PPP2R2A: variants seen among roughly 807,000 people sequenced by gnomAD.
PPP2R2A encodes the protein serine/threonine-protein phosphatase 2A 55 kDa regulatory subunit B alpha isoform.
A neutral mutation model predicts 53.2 loss-of-function variants in PPP2R2A; 9 were observed. The observed-to-expected ratio is 0.17, with a 90% CI of 0.10 to 0.30. The LOEUF (loss-of-function observed/expected upper bound fraction) is 0.30, where lower values mean the gene tolerates loss of function less well. Ranked by LOEUF, PPP2R2A falls within the 10% of genes least tolerant of loss-of-function variation. The pLI is 1.00. For synonymous variants in PPP2R2A, 169 were observed against 174.2 expected (o/e 0.97, Z 0.23); for missense variants, 235 against 534.6 (o/e 0.44, Z 5.53).
intron 3 of PPP2R2A, among the ~76,000 whole-genome samples, chr8:26,348,511 A>C (rs1308984168): frequency 6.6e-6 from 1 of 152,222 alleles, no homozygotes; most frequent in Non-Finnish European, 1.5e-5. Flanking sequence ...GGTATATACA[A>C]AACCACTGAA....
rs1049111868 is a variant in PPP2R2A at position 26,321,903 on chromosome 8, G to T, written c.83-16987G>T. Among the ~76,000 whole-genome samples, 1 of 152,184 alleles carries T rather than the reference G, an allele frequency of 6.6e-6. No individual in the cohort carries two copies. The highest frequency in any genetic ancestry group is 2.4e-5 in the African/African-American group (1 of 41,428). Reference sequence around the variant, plus strand: ...AACAATGTCAACATTTCCCCTCCTCGGTCTAAGATTTGAACTTGGTTCTAA... The same window carrying T: ...AACAATGTCAACATTTCCCCTCCTCTGTCTAAGATTTGAACTTGGTTCTAA... On this transcript the variant is annotated intron_variant, in intron 2 of 9. Transcript: ENST00000380737. The surrounding 1 kb of genome is among the most constrained non-coding windows in gnomAD (Gnocchi z 4.1).
At chr8:26,368,678 G>A (rs1197016227) in intron 9 of PPP2R2A, among the ~76,000 whole-genome samples, 1 of 152,156 alleles carries the variant, frequency 6.6e-6, no homozygotes, top group East Asian at 1.9e-4. Flanking sequence ...GCATATGCCT[G>A]TAGTCACAGC....
rs775256967 is a variant in PPP2R2A at position 26,362,453 on chromosome 8, C to T, written c.638-231C>T. 6.6e-5 allele frequency among the ~76,000 whole-genome samples: 10 copies of T among 151,422 alleles called. No individual in the cohort carries two copies. The highest frequency in any genetic ancestry group is 1.0e-4 in the Non-Finnish European group (7 of 67,838). Reference sequence around the variant, plus strand: ...CTGGGAGTCGGAGGCTGCAGTGAGCCGAGATTGCGCCACTGCACTCCAGCC... The same window carrying T: ...CTGGGAGTCGGAGGCTGCAGTGAGCTGAGATTGCGCCACTGCACTCCAGCC... On this transcript the variant is annotated intron_variant, in intron 6 of 9. Coordinates refer to ENST00000380737, the MANE Select transcript of PPP2R2A (RefSeq NM_002717.4). This position sits in a 1 kb window ranked among gnomAD's most constrained non-coding sequence, Gnocchi z 4.4.
chr8:26,358,807 G>T, intron 4 of PPP2R2A: 1 of 393,256 alleles, frequency 2.5e-6, no homozygotes, highest in Non-Finnish European at 5.3e-6. Flanking sequence ...CAATTGAATG[G>T]ATACATGGAG....
At chr8:26,329,783 A>T (rs752850113) in intron 2 of PPP2R2A, among the ~76,000 whole-genome samples, 1 of 152,224 alleles carries the variant, frequency 6.6e-6, no homozygotes, top group Admixed American at 6.5e-5. Context: ...TTTTAGTACT[A>T]AAGTTTACTG....
intron 1 of PPP2R2A, 26 bp downstream of exon 1, chr8:26,291,852 C>A: frequency 6.2e-7 from 1 of 1,608,206 alleles, no homozygotes; most frequent in Non-Finnish European, 8.5e-7. Context: ...CCCTCGCCCC[C>A]TGACAAGGCA....
Position 26,293,669 on chromosome 8 carries a change from C to T in PPP2R2A, c.11C>T (p.Ala4Val), listed in dbSNP as rs1286350411. Residue 4 changes from alanine (A) to valine (V), a missense_variant, in exon 2 of 10, where the codon GCT (alanine) becomes GTT (valine). Transcript: ENST00000380737. ...TTGGTATGTTTTCTTTTTCCAGGAG[C>T]TGGAGGAGGGAATGATATTCAGTGG... Reference protein sequence around the residue: MAGAGGGNDIQWCF... With the variant: MAGVGGGNDIQWCF... 3.1e-6 allele frequency: 5 copies of T among 1,609,592 alleles called. No individual in the cohort carries two copies. The highest frequency in any genetic ancestry group is 1.1e-5 in the South Asian group (1 of 90,072).
chr8:26,358,134 G>A (rs1428147665), intron 4 of PPP2R2A, among the ~76,000 whole-genome samples: 1 of 151,938 alleles, frequency 6.6e-6, no homozygotes, highest in East Asian at 1.9e-4. Context: ...TTGTGTTAAG[G>A]AAAAAACATT....
chr8:26,327,821 GT>G (rs1265546880), intron 2 of PPP2R2A, among the ~76,000 whole-genome samples: 16 of 152,284 alleles, frequency 1.1e-4, no homozygotes, highest in Admixed American at 5.9e-4. Flanking sequence ...CATTTACTGT[GT>G]AGAAATACAG....
rs1490459521 is a variant in PPP2R2A, at chr8:26,360,121, G to A, written c.347-48G>A. The A allele has an allele frequency of 3.0e-6, 3 of 1,003,750 alleles. No individual in the cohort carries two copies. The South Asian group carries it at 4.4e-5, about 15-fold the overall frequency. The allele number at this position is 1,003,750 out of a possible 1,614,324, so 62.2% of individuals were successfully genotyped here. On this transcript the variant is annotated intron_variant, in intron 4 of 9. Transcript: ENST00000380737. The surrounding 1 kb of genome is among the most constrained non-coding windows in gnomAD (Gnocchi z 4.5). ...TAGCATATTTTAAATGCCTTAAAAT[G>A]TTTTTCTTCTTCAGTATTTTAAGGA...
At chr8:26,355,550 A>C (rs1305000071) in intron 4 of PPP2R2A, among the ~76,000 whole-genome samples, 2 of 152,100 alleles carry the variant, frequency 1.3e-5, no homozygotes, top group Non-Finnish European at 2.9e-5. Flanking sequence ...GGCCCAGGAA[A>C]AGTTGAGTGA....
chr8:26,310,571 A>G (rs185533510), intron 2 of PPP2R2A, among the ~76,000 whole-genome samples: 1 of 152,072 alleles, frequency 6.6e-6, no homozygotes, highest in African/African-American at 2.4e-5. Flanking sequence ...TTGCTATTGT[A>G]AAGATCATGA....
chr8:26,350,209 A>G (rs748661338), intron 3 of PPP2R2A, among the ~76,000 whole-genome samples: 1 of 152,026 alleles, frequency 6.6e-6, no homozygotes, highest in African/African-American at 2.4e-5. Flanking sequence ...GATTACAGGC[A>G]TGCACCACCA....
At chr8:26,351,619 G>T (rs1040722755) in intron 3 of PPP2R2A, among the ~76,000 whole-genome samples, 8 of 152,126 alleles carry the variant, frequency 5.3e-5, no homozygotes, top group Non-Finnish European at 8.8e-5. Context: ...TTTACGAGTG[G>T]TTTTGGGAAG....
intron 3 of PPP2R2A, among the ~76,000 whole-genome samples, chr8:26,348,676 A>G (rs1394732584): frequency 6.6e-6 from 1 of 152,216 alleles, no homozygotes; most frequent in Non-Finnish European, 1.5e-5. Context: ...GGAGTTACTT[A>G]TATTTAGAAG....
chr8:26,329,594 G>C (rs796389961), intron 2 of PPP2R2A, among the ~76,000 whole-genome samples: 1 of 152,168 alleles, frequency 6.6e-6, no homozygotes, highest in East Asian at 1.9e-4. Flanking sequence ...CATGGGTCAA[G>C]TATGCTAGCT....
intron 2 of PPP2R2A, chr8:26,293,999 T>G (rs1200817665): frequency 7.0e-6 from 3 of 429,108 alleles, no homozygotes; most frequent in African/African-American, 4.0e-5. Flanking sequence ...GATCCTCACA[T>G]GAAAGCTCTG....
At chr8:26,332,679 C>T (rs1803448598) in intron 2 of PPP2R2A, among the ~76,000 whole-genome samples, 1 of 152,094 alleles carries the variant, frequency 6.6e-6, no homozygotes, top group Non-Finnish European at 1.5e-5. Context: ...TCACCCAGTG[C>T]CTTGAATGTA....
At chr8:26,309,928 A>T (rs996663993) in intron 2 of PPP2R2A, among the ~76,000 whole-genome samples, 2 of 152,076 alleles carry the variant, frequency 1.3e-5, no homozygotes, top group African/African-American at 4.8e-5. Context: ...GGAAAAATTG[A>T]AGTTTTGCAA....
Sources: gnomAD v4.1 joint callset for allele counts (sites outside exome capture counted in the v4.1 genomes callset) on GRCh38, gnomAD v4.1.1 for gene constraint, Gnocchi (gnomAD v3.1) non-coding constraint, MANE v1.5 for transcripts, NCBI Gene and HGNC (gene_info 2026-07-23, HGNC 2026-07-21) for gene names.